GLCE: variants seen among roughly 807,000 people sequenced by gnomAD.
GLCE encodes D-glucuronyl C5-epimerase.
GLCE carries 19 observed loss-of-function variants against 47.9 expected under a neutral mutation model. The ratio of observed to expected loss-of-function variants is 0.40; its 90% CI spans 0.28 to 0.58. The LOEUF is 0.58. Among genes scored for constraint, GLCE ranks in the 20% least tolerant of loss-of-function variants. The pLI, the probability that GLCE is intolerant of heterozygous loss-of-function variation, is 0.48. For synonymous variants in GLCE, 245 were observed against 263.4 expected, an observed-to-expected ratio of 0.93 and a Z score of 0.68; for missense variants, 556 against 743.3, an observed-to-expected ratio of 0.75 and a Z score of 2.93.
At chr15:69,230,363 C>T (rs929390479) in intron 2 of GLCE, among the ~76,000 whole-genome samples, 1 of 151,952 alleles carries the variant, frequency 6.6e-6, no homozygotes, top group South Asian at 2.1e-4. Context: ...TAAAAGGGGT[C>T]AGTTTACCAA....
chr15:69,218,440 G>A (rs555677938), intron 2 of GLCE, among the ~76,000 whole-genome samples: 1 of 152,196 alleles, frequency 6.6e-6, no homozygotes, highest in South Asian at 2.1e-4. Flanking sequence ...CTTGAGCCTG[G>A]GAGGCAGAGG....
chr15:69,261,379 C>A (rs1353768063), intron 4 of GLCE, 50 bp downstream of exon 4: 3 of 1,536,998 alleles, frequency 2.0e-6, no homozygotes, highest in Non-Finnish European at 2.6e-6. Context: ...ATTTATGGGA[C>A]CCTGATAGTC....
At chr15:69,260,321 G>C (rs994072739) in intron 3 of GLCE, among the ~76,000 whole-genome samples, 1 of 138,282 alleles carries the variant, frequency 7.2e-6, no homozygotes, top group Admixed American at 8.1e-5. Flanking sequence ...GGGCAGTGGC[G>C]CCATCTCGGC....
At chr15:69,161,182 G>A (rs1310100815) in intron 1 of GLCE, among the ~76,000 whole-genome samples, 2 of 152,006 alleles carry the variant, frequency 1.3e-5, no homozygotes, top group Non-Finnish European at 2.9e-5. Context: ...AGAGAATGCA[G>A]TTTAGCAAGG....
At chr15:69,237,414 G>A (rs2052607970) in intron 2 of GLCE, among the ~76,000 whole-genome samples, 1 of 152,074 alleles carries the variant, frequency 6.6e-6, no homozygotes, top group African/African-American at 2.4e-5. Flanking sequence ...GGCCAACATG[G>A]TTAAACCCCG....
intron 1 of GLCE, among the ~76,000 whole-genome samples, chr15:69,164,869 A>T (rs2051480004): frequency 6.6e-6 from 1 of 152,194 alleles, no homozygotes; most frequent in Admixed American, 6.5e-5. Flanking sequence ...GATTATCTAT[A>T]TAATAATATG....
At chr15:69,230,149 A>G (rs1026088346) in intron 2 of GLCE, among the ~76,000 whole-genome samples, 7 of 151,300 alleles carry the variant, frequency 4.6e-5, no homozygotes, top group African/African-American at 1.5e-4. Context: ...CAGAGGTTAC[A>G]GTGAGCCAAG....
intron 1 of GLCE, among the ~76,000 whole-genome samples, chr15:69,174,223 A>G (rs752762090): frequency 3.3e-5 from 5 of 152,260 alleles, no homozygotes; most frequent in African/African-American, 4.8e-5. Flanking sequence ...TTGTTTTAGA[A>G]ATGTCACAGA....
chr15:69,243,818 T>A (rs1371855331), intron 2 of GLCE, among the ~76,000 whole-genome samples: 5 of 117,946 alleles, frequency 4.2e-5, no homozygotes, highest in African/African-American at 6.4e-5. Flanking sequence ...AATAATTTTT[T>A]TAAAAAAAAA....
rs1298931962 is a variant in GLCE, at chr15:69,255,995, C to T, written c.189C>T (p.Asn63=). The T allele has an allele frequency of 3.1e-6, 5 of 1,613,942 alleles. No individual in the cohort carries two copies. In the East Asian group the frequency reaches 8.9e-5, roughly 29 times the overall value. The change falls in exon 3 of 5, where the codon AAC becomes AAT. Residue 63 remains asparagine (N), a synonymous_variant. Transcript: ENST00000261858. ...GAGCAGCAGCATCTGAGAGTAACAA[C>T]TATATGAACCACGTGGCCAAACAAC... is the stretch of plus-strand genomic sequence containing the variant. ...EKRAAASESN[N]YMNHVAKQQS...
At chr15:69,242,564 G>C (rs955495460) in intron 2 of GLCE, among the ~76,000 whole-genome samples, 6 of 152,018 alleles carry the variant, frequency 3.9e-5, no homozygotes, top group Non-Finnish European at 8.8e-5. Context: ...GTCATTAACT[G>C]CTGTAGGAAT....
At chr15:69,251,302 G>A (rs2052841053) in intron 2 of GLCE, among the ~76,000 whole-genome samples, 1 of 152,054 alleles carries the variant, frequency 6.6e-6, no homozygotes, top group African/African-American at 2.4e-5. Context: ...CTTCTGGATG[G>A]GTCACAATTA....
intron 1 of GLCE, among the ~76,000 whole-genome samples, chr15:69,198,781 C>T (rs1158484721): frequency 1.3e-5 from 2 of 152,100 alleles, no homozygotes; most frequent in South Asian, 2.1e-4. Context: ...TCTTGAACTC[C>T]TGGGCTCAAG....
intron 1 of GLCE, among the ~76,000 whole-genome samples, chr15:69,163,214 C>CTT (rs887852571): frequency 6.7e-6 from 1 of 150,024 alleles, no homozygotes; most frequent in East Asian, 1.9e-4. Flanking sequence ...GTTTCAGAAA[C>CTT]TTTTTTTTTT....
At chr15:69,197,946 A>C (rs1257018948) in intron 1 of GLCE, among the ~76,000 whole-genome samples, 1 of 152,150 alleles carries the variant, frequency 6.6e-6, no homozygotes, top group Admixed American at 6.6e-5. Context: ...GTTTTCTTGA[A>C]TAGGTGGGAA....
At chr15:69,179,676 C>A (rs59646104) in intron 1 of GLCE, among the ~76,000 whole-genome samples, 2,591 of 152,214 alleles carry the variant, frequency 0.017, 82 homozygotes, top group African/African-American at 0.06. Context: ...GATATACCAA[C>A]AATTCAGTAC....
intron 2 of GLCE, among the ~76,000 whole-genome samples, chr15:69,218,928 T>C (rs562242254): frequency 6.6e-6 from 1 of 152,328 alleles, no homozygotes; most frequent in South Asian, 2.1e-4. Flanking sequence ...CTTAAAATGA[T>C]ACTTAGTATA....
intron 1 of GLCE, among the ~76,000 whole-genome samples, chr15:69,199,853 A>G (rs1308579379): frequency 6.6e-6 from 1 of 152,162 alleles, no homozygotes; most frequent in Non-Finnish European, 1.5e-5. Flanking sequence ...CAGGTGATTC[A>G]TGCATCATAG....
intron 2 of GLCE, among the ~76,000 whole-genome samples, chr15:69,212,705 C>T (rs1237567506): frequency 4.6e-5 from 7 of 151,954 alleles, no homozygotes; most frequent in African/African-American, 7.2e-5. Flanking sequence ...TCCATATTAC[C>T]GCATAGCTGT....
Sources: allele counts gnomAD v4.1 joint callset (sites outside exome capture counted in the v4.1 genomes callset), GRCh38; gene constraint gnomAD v4.1.1; transcripts MANE v1.5; gene names NCBI Gene and HGNC (gene_info 2026-07-23, HGNC 2026-07-21).